The following PLXNB2 variants were observed in gnomAD, a reference collection of about 807,000 sequenced individuals.
The protein encoded by PLXNB2 is plexin B2.
In PLXNB2, 85 loss-of-function variants were observed where a neutral mutation model predicts 202.6. The observed-to-expected ratio is 0.42, with a 90% confidence interval of 0.35 to 0.50. The LOEUF (loss-of-function observed/expected upper bound fraction) is 0.50. Ranked by LOEUF, PLXNB2 falls within the 20% of genes least tolerant of loss-of-function variation. The pLI is 0.02. For synonymous variants in PLXNB2, 1,239 were observed against 1,137.6 expected, an observed-to-expected ratio of 1.09 and a Z score of -1.79; for missense variants, 2,063 against 2,586.2, an observed-to-expected ratio of 0.80 and a Z score of 4.39.
rs554589132 is a variant in PLXNB2 at position 50,285,865 on chromosome 22, G to A, written c.2023C>T (p.Leu675=). Residue 675 remains leucine, a synonymous_variant, in exon 11 of 37, where the codon CTG becomes TTG. Transcript: ENST00000359337. ...GTCTCGTGGTTCATGGGGATCACCAGGGGGCTGGGTCCCAGGAACTGGGGA... is the reference window on the plus strand; with the variant it reads ...GTCTCGTGGTTCATGGGGATCACCAAGGGGCTGGGTCCCAGGAACTGGGGA... The part of the protein sequence containing the change: ...SCPQFLGPSP[L]VIPMNHETDV... 8 of 1,612,746 alleles carry A rather than the reference G, an allele frequency of 5.0e-6. No individual in the cohort carries two copies. In the African/African-American group the frequency reaches 1.1e-4, roughly 21 times the overall value.
chr22:50,304,241 T>C (rs1211865988), intron 1 of PLXNB2, among the ~76,000 whole-genome samples: 1 of 152,068 alleles, frequency 6.6e-6, no homozygotes, highest in East Asian at 1.9e-4. Context: ...TGTCCCACCA[T>C]CCCCGGCACC....
At chr22:50,285,922 A>G in intron 10 of PLXNB2, 21 bp from the exon 11 acceptor site, 1 of 1,606,546 alleles carries the variant, frequency 6.2e-7, no homozygotes, top group Non-Finnish European at 8.5e-7. Context: ...AAGGCTGGTC[A>G]GGTGCTGCCT....
At chr22:50,276,090 C>T (rs2065537940) in intron 35 of PLXNB2, 127 bp from the exon 36 acceptor site, 2 of 866,018 alleles carry the variant, frequency 2.3e-6, no homozygotes, top group African/African-American at 3.4e-5. Context: ...GCACAGCTGG[C>T]ACTTGGGGCC....
intron 19 of PLXNB2, 38 bp downstream of exon 19, chr22:50,282,146 T>C (rs749298242): frequency 5.0e-6 from 8 of 1,604,236 alleles, no homozygotes; most frequent in South Asian, 4.4e-5. Context: ...CACGATCCCA[T>C]GGGCCGGTGC....
intron 27 of PLXNB2, among the ~76,000 whole-genome samples, chr22:50,279,381 G>A (rs2065833581): frequency 6.6e-6 from 1 of 152,226 alleles, no homozygotes; most frequent in South Asian, 2.1e-4. Flanking sequence ...CCAGGCCCTT[G>A]TATGGCCTCC....
At chr22:50,286,367 C>A (rs1490530528) in intron 8 of PLXNB2, 80 bp from the exon 9 acceptor site, 2 of 1,000,156 alleles carry the variant, frequency 2.0e-6, no homozygotes, top group African/African-American at 3.2e-5. Flanking sequence ...GGGGCTGACT[C>A]CTGGGGCCAA....
Position 50,280,546 on chromosome 22 carries a change from A to G in PLXNB2, c.4118T>C (p.Phe1373Ser). ...CACGTACTGCTCCAGGAGCTCCAGGAAGAGCGTGTGCATGATGTCCGTGTA... is the reference window on the plus strand; with the variant it reads ...CACGTACTGCTCCAGGAGCTCCAGGGAGAGCGTGTGCATGATGTCCGTGTA... ...EYYTDIMHTLFLELLEQYVVA... is the reference protein window; with the variant it reads ...EYYTDIMHTLSLELLEQYVVA... The change falls in exon 25 of 37, where the codon TTC becomes TCC. Residue 1373 changes from phenylalanine (F) to serine (S), a missense_variant. Coordinates refer to ENST00000359337, the MANE Select transcript of PLXNB2 (RefSeq NM_012401.4). 1 of 1,612,054 alleles carries G rather than the reference A, an allele frequency of 6.2e-7. No individual in the cohort carries two copies. The highest frequency in any genetic ancestry group is 8.5e-7 in the Non-Finnish European group (1 of 1,179,856).
chr22:50,280,218 C>T, intron 25 of PLXNB2, 147 bp from the exon 26 acceptor site: 1 of 668,260 alleles, frequency 1.5e-6, no homozygotes, highest in Non-Finnish European at 2.5e-6. Context: ...CTGGTGGCAG[C>T]TCCAGCCCTT....
At position 50,289,226 on chromosome 22, in the gene PLXNB2, C is replaced by T; in HGVS notation, c.1069-84G>A. 1 of 1,223,962 alleles carries T rather than the reference C, an allele frequency of 8.2e-7. No individual in the cohort carries two copies. Among genetic ancestry groups the T allele is most frequent in the Non-Finnish European group, 1.1e-6 (1 of 900,474 alleles). The allele number at this position is 1,223,962 out of a possible 1,614,324, so 75.8% of individuals were successfully genotyped here. A position where few individuals can be genotyped will look rare whatever the true frequency, so the allele number is the denominator to read the frequency against. On this transcript the variant is annotated intron_variant, in intron 3 of 36. Coordinates refer to ENST00000359337, the MANE Select transcript of PLXNB2 (RefSeq NM_012401.4). The surrounding 1 kb of genome is among the most constrained non-coding windows in gnomAD (Gnocchi z 8.0). Reference sequence around the variant, plus strand: ...CTCGCGCTCCAAGACTCGGGACAGGCCCTTCCCTTCCCTCCGGCACACGTC... The same window carrying T: ...CTCGCGCTCCAAGACTCGGGACAGGTCCTTCCCTTCCCTCCGGCACACGTC...
intron 32 of PLXNB2, 40 bp from the exon 33 acceptor site, chr22:50,277,778 C>G (rs767394027): frequency 1.9e-6 from 3 of 1,596,530 alleles, no homozygotes; most frequent in African/African-American, 2.7e-5. Context: ...GGGGCTGGGC[C>G]GCGGGGTGGG....
rs756462379 is a variant in PLXNB2, at chr22:50,283,139, G to A, written c.2727C>T (p.Gly909=). Residue 909 remains glycine (G), a synonymous_variant, in exon 17 of 37, where the codon GGC becomes GGT. Transcript: ENST00000359337. The stretch of plus-strand genomic sequence containing the variant: ...TGCCGTGGATGGTCAGTGTGGTGCC[G>A]CCCGCCTGCGGTCCCTGCTGCGGCT... ...SVEPQQGPQA[G]GTTLTIHGTH... is the part of the protein sequence containing the mutation. 43 of 1,595,812 alleles carry A rather than the reference G, an allele frequency of 2.7e-5. No individual in the cohort carries two copies. Among genetic ancestry groups the A allele is most frequent in the African/African-American group, 5.4e-5 (4 of 74,682 alleles).
At position 50,296,590 on chromosome 22, in the gene PLXNB2, C is replaced by CAAA. The variant is rs34197202; in HGVS notation, c.-73-1815_-73-1813dup. 1.4e-3 allele frequency among the ~76,000 whole-genome samples: 77 copies of CAAA among 56,332 alleles called. 1 individual carries two copies. The highest frequency in any genetic ancestry group is 4.4e-3 in the African/African-American group (63 of 14,326). The allele number at this position is 56,332 out of a possible 152,430, so 37.0% of individuals were successfully genotyped here. A position where few individuals can be genotyped will look rare whatever the true frequency, so the allele number is the denominator to read the frequency against. On this transcript the variant is annotated intron_variant, in intron 1 of 36. Coordinates refer to ENST00000359337, the MANE Select transcript of PLXNB2 (RefSeq NM_012401.4). ...CTGGGGAAAGAGCAAGACTCTGTCT[C>CAAA]AAAAAAAAAAAAAAAAAAAAAAAGG... is the stretch of plus-strand genomic sequence containing the variant.
chr22:50,278,210 C>A lies in PLXNB2; in HGVS notation c.4794G>T (p.Val1598=), dbSNP rs1198350987. 1.2e-6 allele frequency: 2 copies of A among 1,609,476 alleles called. No individual in the cohort carries two copies. ...VWHLVRPTDE[V]DEGKSKRGSV... is the part of the protein sequence containing the mutation. ...TGCCTCTCTTGGACTTGCCCTCGTC[C>A]ACCTCGTCGGTCGGCCGCACCAGGT... The change falls in exon 31 of 37, where the codon GTG becomes GTT. Residue 1598 remains valine, a synonymous_variant. Coordinates refer to ENST00000359337, the MANE Select transcript of PLXNB2 (RefSeq NM_012401.4).
At chr22:50,280,428 G>A (rs912808949) in intron 25 of PLXNB2, 61 bp downstream of exon 25, 68 of 1,482,294 alleles carry the variant, frequency 4.6e-5, no homozygotes, top group Middle Eastern at 4.0e-4. Context: ...CCCGCCACCA[G>A]CCCCAGAGCC....
chr22:50,279,540 G>T, intron 27 of PLXNB2, 90 bp downstream of exon 27: 1 of 1,294,504 alleles, frequency 7.7e-7, no homozygotes, highest in Non-Finnish European at 1.1e-6. Flanking sequence ...ACGGCCTCTG[G>T]CCTGTGGGTC....
At chr22:50,304,116 A>G (rs2147730028) in intron 1 of PLXNB2, among the ~76,000 whole-genome samples, 1 of 152,230 alleles carries the variant, frequency 6.6e-6, no homozygotes, top group East Asian at 1.9e-4. Context: ...TGGGCTGCAG[A>G]GGCGGGACTG....
Position 50,290,152 on chromosome 22 carries a change from C to T in PLXNB2, c.433G>A (p.Ala145Thr), listed in dbSNP as rs780465304. 1.9e-6 allele frequency: 3 copies of T among 1,612,806 alleles called. No homozygotes were observed. The highest frequency in any genetic ancestry group is 8.5e-7 in the Non-Finnish European group (1 of 1,179,978). The change falls in exon 3 of 37, where the codon GCC (alanine) becomes ACC (threonine). Residue 145 changes from alanine (A) to threonine (T), a missense_variant. This residue lies in a region of PLXNB2 where 1,303 missense variants were observed against 1,476.8 expected (regional missense o/e 0.88). Coordinates refer to ENST00000359337, the MANE Select transcript of PLXNB2 (RefSeq NM_012401.4). ...GTGGCCACGCCCTCATCATTGCTGG[C>T]CACGAAAGACTTCTCCCCGCTGCCG... ...EDGSGEKSFVASNDEGVATVG... is the reference protein window; with the variant it reads ...EDGSGEKSFVTSNDEGVATVG...
chr22:50,278,774 C>A, intron 28 of PLXNB2, 78 bp from the exon 29 acceptor site: 1 of 1,588,408 alleles, frequency 6.3e-7, no homozygotes, highest in South Asian at 1.1e-5. Context: ...TATGAGAAAG[C>A]TGGCCAGGCA....
chr22:50,278,147 C>T lies in PLXNB2; in HGVS notation c.4857G>A (p.Glu1619=), dbSNP rs763521580. ...CTGAGAGCAGCCGCGTCAGGTAGAT[C>T]TCGGTGATGGCCTTCGTCCGCTCCT... The part of the protein sequence containing the change: ...KEKERTKAIT[E]IYLTRLLSVK... Residue 1619 remains glutamate (E), a synonymous_variant, in exon 31 of 37, where the codon GAG becomes GAA. Coordinates refer to ENST00000359337, the MANE Select transcript of PLXNB2 (RefSeq NM_012401.4). The T allele has an allele frequency of 1.9e-6, 3 of 1,603,050 alleles. No homozygotes were observed. The highest frequency in any genetic ancestry group is 2.5e-6 in the Non-Finnish European group (3 of 1,179,872).
Sources: allele counts gnomAD v4.1 joint callset (sites outside exome capture counted in the v4.1 genomes callset), GRCh38; gene constraint gnomAD v4.1.1; regional missense constraint gnomAD v4.1.1; non-coding constraint Gnocchi (gnomAD v3.1); transcripts MANE v1.5; gene names NCBI Gene and HGNC (gene_info 2026-07-23, HGNC 2026-07-21).